BABAM2: variants seen among roughly 807,000 people sequenced by gnomAD.
The protein encoded by BABAM2 is BRISC and BRCA1 A complex member 2, also known as BRISC and BRCA1-A complex member 2.
In BABAM2, 31 loss-of-function variants were observed where a neutral mutation model predicts 54.7. That is an observed-to-expected ratio of 0.57 (90% CI 0.43 to 0.77). BABAM2 has a LOEUF of 0.77. BABAM2 is among the 30% of genes least tolerant of loss of function. The pLI is 0.00. For synonymous variants in BABAM2, 167 were observed against 162.9 expected (o/e 1.03, Z -0.19); for missense variants, 364 against 455.8 (o/e 0.80, Z 1.83).
At chr2:28,130,732 T>C (rs1231085357) in intron 7 of BABAM2, among the ~76,000 whole-genome samples, 1 of 150,786 alleles carries the variant, frequency 6.6e-6, no homozygotes, top group Non-Finnish European at 1.5e-5. Context: ...TTTCTGTTTT[T>C]TGTTTTTTGT....
chr2:28,022,162 G>A (rs1329663092), intron 4 of BABAM2, among the ~76,000 whole-genome samples: 1 of 150,234 alleles, frequency 6.7e-6, no homozygotes, highest in Non-Finnish European at 1.5e-5. Flanking sequence ...ATGTGGGAAG[G>A]TGAGGGGTCA....
At chr2:28,251,208 G>A (rs1408722644) in intron 10 of BABAM2, among the ~76,000 whole-genome samples, 2 of 151,704 alleles carry the variant, frequency 1.3e-5, no homozygotes, top group African/African-American at 2.4e-5. Flanking sequence ...TAAAAGGAAA[G>A]CAATTATTTT....
At chr2:28,227,299 AGGCACCCTG>A (rs1179377938) in intron 7 of BABAM2, among the ~76,000 whole-genome samples, 2 of 152,094 alleles carry the variant, frequency 1.3e-5, no homozygotes, top group Non-Finnish European at 2.9e-5. Flanking sequence ...CCTCACCAGT[AGGCACCCTG>A]GGCAGCCTGA....
chr2:27,909,488 A>G (rs1275740612), intron 2 of BABAM2, among the ~76,000 whole-genome samples: 1 of 152,160 alleles, frequency 6.6e-6, no homozygotes, highest in Non-Finnish European at 1.5e-5. Flanking sequence ...TATGATTTGC[A>G]AGTATCCCAT....
At chr2:28,229,589 CTTTT>C (rs5830065) in intron 7 of BABAM2, among the ~76,000 whole-genome samples, 2 of 133,172 alleles carry the variant, frequency 1.5e-5, no homozygotes. Flanking sequence ...TTCTTTTTTT[CTTTT>C]TTTTTTTTTG....
At chr2:28,127,186 T>G (rs2148763601) in intron 6 of BABAM2, among the ~76,000 whole-genome samples, 1 of 152,288 alleles carries the variant, frequency 6.6e-6, no homozygotes, top group Admixed American at 6.5e-5. Context: ...GCCATTGCTT[T>G]TGGTATTTTA....
At chr2:28,277,698 C>T (rs908187973) in intron 10 of BABAM2, among the ~76,000 whole-genome samples, 2 of 152,160 alleles carry the variant, frequency 1.3e-5, no homozygotes, top group Non-Finnish European at 2.9e-5. Flanking sequence ...TTACCAAGAG[C>T]GTTCGGGCAT....
At chr2:27,910,220 A>G (rs1006937806) in intron 2 of BABAM2, among the ~76,000 whole-genome samples, 29 of 152,202 alleles carry the variant, frequency 1.9e-4, no homozygotes, top group African/African-American at 7.0e-4. Flanking sequence ...CTAGCATAGG[A>G]CCTGGCACAA....
intron 3 of BABAM2, 100 bp downstream of exon 3, chr2:27,930,008 C>A: frequency 9.2e-7 from 1 of 1,087,666 alleles, no homozygotes; most frequent in East Asian, 2.5e-5. Flanking sequence ...TTGTTATCTC[C>A]TAAGATATTG....
chr2:28,090,686 AT>A (rs1327575931), intron 6 of BABAM2, among the ~76,000 whole-genome samples: 1 of 152,160 alleles, frequency 6.6e-6, no homozygotes, highest in African/African-American at 2.4e-5. Context: ...TAAGATCTCT[AT>A]TCTTTAAGAT....
At chr2:27,905,206 A>C (rs1666101957) in intron 2 of BABAM2, among the ~76,000 whole-genome samples, 1 of 152,216 alleles carries the variant, frequency 6.6e-6, no homozygotes, top group Admixed American at 6.5e-5. Context: ...AGAAGAAATA[A>C]AATAAAGCAA....
chr2:27,968,031 G>A (rs1350134471), intron 3 of BABAM2, among the ~76,000 whole-genome samples: 1 of 152,222 alleles, frequency 6.6e-6, no homozygotes, highest in Non-Finnish European at 1.5e-5. Context: ...ATATTCTGAA[G>A]AGAAAATTCA....
At chr2:28,050,200 G>C (rs531902899) in intron 6 of BABAM2, among the ~76,000 whole-genome samples, 1 of 152,168 alleles carries the variant, frequency 6.6e-6, no homozygotes, top group South Asian at 2.1e-4. Flanking sequence ...TGTTGATGTT[G>C]TTGTTAATAT....
chr2:27,980,438 T>C (rs1033625226), intron 3 of BABAM2, among the ~76,000 whole-genome samples: 2 of 152,210 alleles, frequency 1.3e-5, no homozygotes, highest in African/African-American at 2.4e-5. Flanking sequence ...AGGTGTCCAG[T>C]ATGCACATCT....
At chr2:28,133,598 TAG>T (rs1460365138) in intron 7 of BABAM2, among the ~76,000 whole-genome samples, 1 of 152,166 alleles carries the variant, frequency 6.6e-6, no homozygotes, top group Non-Finnish European at 1.5e-5. Context: ...TCCATGGGCA[TAG>T]AGAGATATCG....
At chr2:28,130,960 C>T (rs183146730) in intron 7 of BABAM2, among the ~76,000 whole-genome samples, 6 of 152,106 alleles carry the variant, frequency 3.9e-5, no homozygotes, top group Admixed American at 3.9e-4. Context: ...AAGCTGGTCT[C>T]GAACTCCTGA....
intron 2 of BABAM2, among the ~76,000 whole-genome samples, chr2:27,921,603 C>T (rs1217997006): frequency 6.6e-6 from 1 of 152,120 alleles, no homozygotes; most frequent in Non-Finnish European, 1.5e-5. Flanking sequence ...CATCTACGTG[C>T]CTCAGTGCCC....
chr2:28,308,319 C>G, intron 11 of BABAM2: 3 of 457,664 alleles, frequency 6.6e-6, no homozygotes. Flanking sequence ...GACAGTGTGG[C>G]TCTGCAGGCA....
At chr2:28,023,981 C>T (rs1442445692) in intron 4 of BABAM2, among the ~76,000 whole-genome samples, 2 of 152,218 alleles carry the variant, frequency 1.3e-5, no homozygotes, top group Admixed American at 6.5e-5. Context: ...TTTGCATTTA[C>T]GTTGCAGAAG....
Sources: allele counts gnomAD v4.1 joint callset (sites outside exome capture counted in the v4.1 genomes callset), GRCh38; gene constraint gnomAD v4.1.1; transcripts MANE v1.5; gene names NCBI Gene and HGNC (gene_info 2026-07-23, HGNC 2026-07-21).